CACNA2D2: variants seen among roughly 807,000 people sequenced by gnomAD.
CACNA2D2 encodes the protein voltage-dependent calcium channel subunit alpha-2/delta-2.
CACNA2D2 carries 48 observed loss-of-function variants against 166.4 expected under a neutral mutation model. The ratio of observed to expected loss-of-function variants is 0.29; its 90% CI spans 0.23 to 0.37. The LOEUF (loss-of-function observed/expected upper bound fraction) is 0.37, where lower values mean the gene tolerates loss of function less well. Ranked by LOEUF, CACNA2D2 falls within the 10% of genes least tolerant of loss-of-function variation. The pLI is 1.00. For synonymous variants in CACNA2D2, 561 were observed against 573.7 expected, an observed-to-expected ratio of 0.98 and a Z score of 0.32; for missense variants, 1,122 against 1,433.0, an observed-to-expected ratio of 0.78 and a Z score of 3.50.
intron 2 of CACNA2D2, among the ~76,000 whole-genome samples, chr3:50,466,602 C>T (rs150121509): frequency 6.6e-6 from 1 of 152,344 alleles, no homozygotes; most frequent in East Asian, 1.9e-4. Flanking sequence ...TGCTCACATT[C>T]CCCATGCAGC....
At chr3:50,438,472 C>A (rs892683128) in intron 2 of CACNA2D2, among the ~76,000 whole-genome samples, 1 of 152,216 alleles carries the variant, frequency 6.6e-6, no homozygotes, top group African/African-American at 2.4e-5. Context: ...GAACCCTCTG[C>A]CCAGCCTCCT....
At chr3:50,377,431 GA>G in intron 17 of CACNA2D2, 35 bp downstream of exon 17, 1 of 1,552,112 alleles carries the variant, frequency 6.4e-7, no homozygotes, top group Non-Finnish European at 8.9e-7. Context: ...GTCCACATGG[GA>G]GGCAGGGTAC....
intron 5 of CACNA2D2, among the ~76,000 whole-genome samples, chr3:50,385,582 C>T (rs1370351262): frequency 1.4e-5 from 2 of 145,840 alleles, no homozygotes; most frequent in Admixed American, 6.7e-5. Flanking sequence ...CTCTGAAGGG[C>T]CTGTGGCAGA....
chr3:50,476,181 C>G lies in CACNA2D2; in HGVS notation c.225G>C (p.Arg75=). 1 of 1,595,870 alleles carries G rather than the reference C, an allele frequency of 6.3e-7. No individual in the cohort carries two copies. Among genetic ancestry groups the G allele is most frequent in the Non-Finnish European group, 8.5e-7 (1 of 1,172,098 alleles). ...PQQHTMQHWA[R]RLEQEVDGVM... ...CGCCGTCGACCTCCTGCTCCAGACG[C>G]CGGGCCCAGTGCTGCATCCTGTATG... The change falls in exon 2 of 38, where the codon CGG becomes CGC. Residue 75 remains arginine, a synonymous_variant. Coordinates refer to ENST00000424201, the MANE Select transcript of CACNA2D2 (RefSeq NM_006030.4).
At chr3:50,486,188 C>T (rs560536885) in intron 1 of CACNA2D2, among the ~76,000 whole-genome samples, 12 of 152,320 alleles carry the variant, frequency 7.9e-5, no homozygotes, top group African/African-American at 2.6e-4. Flanking sequence ...ACGCCCAGGC[C>T]TCACCTCAGA....
At chr3:50,502,900 G>T (rs559353702) in intron 1 of CACNA2D2, among the ~76,000 whole-genome samples, 1 of 152,352 alleles carries the variant, frequency 6.6e-6, no homozygotes, top group Admixed American at 6.5e-5. Context: ...CTCTCACCGG[G>T]TCAGCGGCAG....
intron 2 of CACNA2D2, among the ~76,000 whole-genome samples, chr3:50,445,064 G>A (rs906976140): frequency 5.3e-5 from 8 of 152,228 alleles, no homozygotes; most frequent in Non-Finnish European, 1.2e-4. Flanking sequence ...ATATATGGCA[G>A]CCCCAGGCCT....
chr3:50,464,127 G>GC (rs1021941113), intron 2 of CACNA2D2, among the ~76,000 whole-genome samples: 8 of 152,154 alleles, frequency 5.3e-5, no homozygotes, highest in African/African-American at 1.4e-4. Flanking sequence ...TGAGACTGAA[G>GC]CCCCCCCAGC....
chr3:50,496,985 T>C (rs910420337), intron 1 of CACNA2D2, among the ~76,000 whole-genome samples: 3 of 151,920 alleles, frequency 2.0e-5, no homozygotes, highest in Non-Finnish European at 2.9e-5. Flanking sequence ...ATTTCCAAGG[T>C]GGGAAAGATG....
rs114982205 is a variant in CACNA2D2, at chr3:50,463,386, C to T, written c.288+12732G>A. ...GCACAATCACAGGTCATTGCAATCT[C>T]GACCTCAGCTCACGCAATCCTTCCA... is the stretch of plus-strand genomic sequence containing the variant. On this transcript the variant is annotated intron_variant, in intron 2 of 37. Coordinates refer to ENST00000424201, the MANE Select transcript of CACNA2D2 (RefSeq NM_006030.4). Among the ~76,000 whole-genome samples the T allele has an allele frequency of 8.0e-3, 1,212 of 152,152 alleles. 9 individuals carry two copies. Among genetic ancestry groups the T allele is most frequent in the Admixed American group, 0.017 (266 of 15,288 alleles).
intron 4 of CACNA2D2, among the ~76,000 whole-genome samples, chr3:50,389,366 T>A (rs989942901): frequency 3.9e-5 from 6 of 152,262 alleles, no homozygotes; most frequent in Middle Eastern, 3.4e-3. Flanking sequence ...GAAAATGTGA[T>A]TTGTTATCTA....
intron 1 of CACNA2D2, among the ~76,000 whole-genome samples, chr3:50,493,753 C>G (rs1321863597): frequency 6.6e-6 from 1 of 152,198 alleles, no homozygotes; most frequent in Non-Finnish European, 1.5e-5. Flanking sequence ...CCCCATGACC[C>G]GGCACAGAGC....
At chr3:50,387,349 C>T (rs1268060886) in intron 5 of CACNA2D2, among the ~76,000 whole-genome samples, 6 of 152,206 alleles carry the variant, frequency 3.9e-5, no homozygotes, top group African/African-American at 1.4e-4. Context: ...TCACCACCTG[C>T]CTCACACTGC....
intron 1 of CACNA2D2, among the ~76,000 whole-genome samples, chr3:50,489,964 A>G (rs574308691): frequency 1.3e-5 from 2 of 152,194 alleles, no homozygotes; most frequent in Admixed American, 6.5e-5. Flanking sequence ...GCAGGGACCC[A>G]GTTGGCCCTT....
chr3:50,492,844 T>G (rs184653663), intron 1 of CACNA2D2, among the ~76,000 whole-genome samples: 2 of 151,564 alleles, frequency 1.3e-5, no homozygotes, highest in African/African-American at 4.8e-5. Flanking sequence ...GGAGGTGAGA[T>G]GCAGGAGGGA....
rs1209636806 is a variant in CACNA2D2 at position 50,365,740 on chromosome 3, G to A, written c.2916-52C>T. On this transcript the variant is annotated intron_variant, in intron 33 of 37. Transcript: ENST00000424201. This position sits in a 1 kb window ranked among gnomAD's most constrained non-coding sequence, Gnocchi z 4.5. Reference sequence around the variant, plus strand: ...GGTGGTCAGCAGAGGACGATGCCATGCCCTACTTCTCTTCTGAGCCCTCCC... The same window carrying A: ...GGTGGTCAGCAGAGGACGATGCCATACCCTACTTCTCTTCTGAGCCCTCCC... 18 of 1,606,318 alleles carry A rather than the reference G, an allele frequency of 1.1e-5. No homozygotes were observed. Among genetic ancestry groups the A allele is most frequent in the Non-Finnish European group, 1.5e-5 (18 of 1,176,554 alleles).
rs146819982 is a variant in CACNA2D2, at chr3:50,406,163, G to A, written c.406-11995C>T. 5.2e-3 allele frequency among the ~76,000 whole-genome samples: 789 copies of A among 151,870 alleles called. 5 individuals are homozygous for A. Among genetic ancestry groups the A allele is most frequent in the Middle Eastern group, 0.027 (8 of 294 alleles). On this transcript the variant is annotated intron_variant, in intron 3 of 37. Coordinates refer to ENST00000424201, the MANE Select transcript of CACNA2D2 (RefSeq NM_006030.4). The stretch of plus-strand genomic sequence containing the variant: ...CCAGGTGACCGCTAATGAAATACAC[G>A]AACCCATTGGAGAAGACATGCACAG...
intron 5 of CACNA2D2, among the ~76,000 whole-genome samples, chr3:50,386,090 G>A (rs976183171): frequency 6.6e-6 from 1 of 152,148 alleles, no homozygotes; most frequent in East Asian, 1.9e-4. Context: ...TGGAAAATGT[G>A]TGCGTGCTGT....
intron 2 of CACNA2D2, among the ~76,000 whole-genome samples, chr3:50,468,384 T>A (rs1199727637): frequency 3.9e-5 from 3 of 77,226 alleles, no homozygotes; most frequent in South Asian, 4.6e-4. Context: ...CAGAATAGTG[T>A]GTGTGTGTGT....
Sources: gnomAD v4.1 joint callset for allele counts (sites outside exome capture counted in the v4.1 genomes callset) on GRCh38, gnomAD v4.1.1 for gene constraint, Gnocchi (gnomAD v3.1) non-coding constraint, MANE v1.5 for transcripts, NCBI Gene and HGNC (gene_info 2026-07-23, HGNC 2026-07-21) for gene names.